Variants in TEX2 observed in about 807,000 individuals in gnomAD.
TEX2 encodes the protein testis-expressed protein 2.
A neutral mutation model predicts 106.9 loss-of-function variants in TEX2; 53 were observed. That is an observed-to-expected ratio of 0.50 (90% CI 0.40 to 0.62). The LOEUF (loss-of-function observed/expected upper bound fraction) is 0.62. Ranked by LOEUF, TEX2 falls within the 20% of genes least tolerant of loss-of-function variation. The probability of loss-of-function intolerance (pLI) is 0.00; values close to 1 mark genes in which losing one functional copy is unlikely to be tolerated. For synonymous variants in TEX2, 523 were observed against 534.8 expected (o/e 0.98, Z 0.30); for missense variants, 1,207 against 1,379.0 (o/e 0.88, Z 1.98).
At chr17:64,180,544 T>C (rs2031812663) in intron 5 of TEX2, among the ~76,000 whole-genome samples, 1 of 152,234 alleles carries the variant, frequency 6.6e-6, no homozygotes, top group African/African-American at 2.4e-5. Flanking sequence ...TTCAACAGCC[T>C]GCTAGGAAGG....
At chr17:64,247,735 A>C (rs1555636454) in intron 1 of TEX2, among the ~76,000 whole-genome samples, 1 of 152,214 alleles carries the variant, frequency 6.6e-6, no homozygotes, top group Non-Finnish European at 1.5e-5. Flanking sequence ...TTTAGACCTG[A>C]AGTTCCTCTT....
At chr17:64,236,670 T>C (rs2033775286) in intron 1 of TEX2, among the ~76,000 whole-genome samples, 1 of 152,186 alleles carries the variant, frequency 6.6e-6, no homozygotes, top group Non-Finnish European at 1.5e-5. Flanking sequence ...AGAACTAATC[T>C]CCTATGGATA....
At chr17:64,243,746 G>C (rs1425847525) in intron 1 of TEX2, among the ~76,000 whole-genome samples, 4 of 152,034 alleles carry the variant, frequency 2.6e-5, no homozygotes, top group East Asian at 3.8e-4. Flanking sequence ...TTTCTGCGGA[G>C]AGAGTTCATA....
intron 6 of TEX2, among the ~76,000 whole-genome samples, chr17:64,173,819 G>C (rs927814744): frequency 1.3e-5 from 2 of 152,060 alleles, no homozygotes; most frequent in African/African-American, 4.8e-5. Context: ...GGGTGAGCCA[G>C]GGAATACTGT....
chr17:64,151,004 G>C, intron 10 of TEX2, 43 bp from the exon 11 acceptor site: 1 of 1,606,058 alleles, frequency 6.2e-7, no homozygotes, highest in Non-Finnish European at 8.5e-7. Flanking sequence ...AGCAAAGCAA[G>C]GAATGAGACA....
intron 1 of TEX2, among the ~76,000 whole-genome samples, chr17:64,244,221 T>C (rs1286179043): frequency 2.0e-5 from 3 of 152,002 alleles, no homozygotes; most frequent in East Asian, 1.9e-4. Flanking sequence ...CCACTTGGGG[T>C]CAAAAACCTT....
chr17:64,243,861 T>C (rs9913164), intron 1 of TEX2, among the ~76,000 whole-genome samples: 4,740 of 147,428 alleles, frequency 0.032, 255 homozygotes, highest in African/African-American at 0.11. Context: ...CAGGTTGGAG[T>C]GCAGTGGTGG....
intron 4 of TEX2, among the ~76,000 whole-genome samples, chr17:64,193,215 A>C (rs1298657743): frequency 6.6e-6 from 1 of 152,224 alleles, no homozygotes; most frequent in Non-Finnish European, 1.5e-5. Flanking sequence ...GCTCGAAAGT[A>C]CCAGCCTGAA....
chr17:64,202,266 G>C (rs2032692837), intron 2 of TEX2, among the ~76,000 whole-genome samples: 1 of 152,080 alleles, frequency 6.6e-6, no homozygotes, highest in Non-Finnish European at 1.5e-5. Flanking sequence ...GCTTTGACAG[G>C]AAATCTTGAG....
At chr17:64,190,964 CA>C (rs1285161006) in intron 4 of TEX2, among the ~76,000 whole-genome samples, 1 of 152,200 alleles carries the variant, frequency 6.6e-6, no homozygotes, top group Non-Finnish European at 1.5e-5. Context: ...TACCTGGCCT[CA>C]GAGAATCAGA....
At chr17:64,245,183 GACT>G (rs1598223433) in intron 1 of TEX2, among the ~76,000 whole-genome samples, 1 of 152,198 alleles carries the variant, frequency 6.6e-6, no homozygotes, top group East Asian at 1.9e-4. Context: ...TTTTTACAAT[GACT>G]ACATGTATGG....
At chr17:64,219,572 G>A (rs2033299380) in intron 1 of TEX2, among the ~76,000 whole-genome samples, 1 of 149,812 alleles carries the variant, frequency 6.7e-6, no homozygotes, top group African/African-American at 2.5e-5. Flanking sequence ...GAGAATTACA[G>A]GCAAGCAGAC....
At position 64,185,538 on chromosome 17, in the gene TEX2, A is replaced by C. The variant is rs2032041443; in HGVS notation, c.2424+2630T>G. ...TTGGAAAACTAGGCCCTTGCCCCCC[A>C]AAATAGTGATATTTTCTAATTCAAA... On this transcript the variant is annotated intron_variant, in intron 5 of 11. Transcript: ENST00000584379. The surrounding 1 kb of genome is among the most constrained non-coding windows in gnomAD (Gnocchi z 4.0). Among the ~76,000 whole-genome samples, 1 of 152,156 alleles carries C rather than the reference A, an allele frequency of 6.6e-6. No individual in the cohort carries two copies.
intron 1 of TEX2, among the ~76,000 whole-genome samples, chr17:64,255,184 C>G (rs1420090103): frequency 6.6e-6 from 1 of 151,970 alleles, no homozygotes; most frequent in Non-Finnish European, 1.5e-5. Context: ...AAAAAATGTA[C>G]CTTGCACACT....
chr17:64,187,796 T>C (rs532126551), intron 5 of TEX2, among the ~76,000 whole-genome samples: 3 of 152,296 alleles, frequency 2.0e-5, no homozygotes, highest in South Asian at 4.1e-4. Context: ...CACTCCCCCG[T>C]GACCAACAGG....
intron 1 of TEX2, among the ~76,000 whole-genome samples, chr17:64,254,836 C>T (rs190680035): frequency 6.6e-6 from 1 of 152,112 alleles, no homozygotes; most frequent in African/African-American, 2.4e-5. Context: ...ATTTTATGAG[C>T]CACTGTGGAC....
chr17:64,193,524 A>C, intron 4 of TEX2, 35 bp downstream of exon 4: 1 of 1,398,048 alleles, frequency 7.2e-7, no homozygotes, highest in Middle Eastern at 1.9e-4. Context: ...GTGGCCCTTT[A>C]AAAATGCATA....
intron 1 of TEX2, among the ~76,000 whole-genome samples, chr17:64,247,418 T>A (rs1431002790): frequency 1.3e-5 from 2 of 152,168 alleles, no homozygotes; most frequent in African/African-American, 4.8e-5. Flanking sequence ...CTAAGAAAAC[T>A]GAAGGAGAAA....
In TEX2 at chr17:64,185,220, TA is replaced by T. The variant is rs1567925227; in HGVS notation, c.2424+2947del. On this transcript the variant is annotated intron_variant, in intron 5 of 11. Coordinates refer to ENST00000584379, the MANE Select transcript of TEX2 (RefSeq NM_001288732.2). This position sits in a 1 kb window ranked among gnomAD's most constrained non-coding sequence, Gnocchi z 4.0. ...TGTTAATATTATCTCTAACATTTTT[TA>T]AAACTGTCTGTTGAAATGGAGAGTG... Among the ~76,000 whole-genome samples, 1 of 152,208 alleles carries T rather than the reference TA, an allele frequency of 6.6e-6. No homozygotes were observed. The highest frequency in any genetic ancestry group is 1.5e-5 in the Non-Finnish European group (1 of 68,042).
Sources: gnomAD v4.1 joint callset for allele counts (sites outside exome capture counted in the v4.1 genomes callset) on GRCh38, gnomAD v4.1.1 for gene constraint, Gnocchi (gnomAD v3.1) non-coding constraint, MANE v1.5 for transcripts, NCBI Gene and HGNC (gene_info 2026-07-23, HGNC 2026-07-21) for gene names.